Variants in ZNF705G observed in about 807,000 individuals in gnomAD.
The protein encoded by ZNF705G is putative zinc finger protein 705G.
ZNF705G carries 23 observed loss-of-function variants against 19.6 expected under a neutral mutation model. The ratio of observed to expected loss-of-function variants is 1.17; its 90% CI spans 0.84 to 1.66. The LOEUF is 1.66. Ranked by LOEUF, ZNF705G falls within the 40% of genes most tolerant of loss-of-function variation. The pLI is 0.00. For synonymous variants in ZNF705G, 146 were observed against 117.7 expected, an observed-to-expected ratio of 1.24 and a Z score of -1.56; for missense variants, 457 against 354.4, an observed-to-expected ratio of 1.29 and a Z score of -2.32.
At position 7,375,371 on chromosome 8, in the gene ZNF705G, T is replaced by C. The variant is rs556819113; in HGVS notation, c.-72+6081A>G. 1.4e-4 allele frequency among the ~76,000 whole-genome samples: 13 copies of C among 94,086 alleles called. 4 individuals carry two copies. The highest frequency in any genetic ancestry group is 8.7e-3 in the Middle Eastern group (2 of 230). The allele number at this position is 94,086 out of a possible 152,430, so 61.7% of individuals were successfully genotyped here. ...AAAGGACACAATTTTGTTCTTTTTA[T>C]GGATGCATAGTATTCCGTGACATAT... is the stretch of plus-strand genomic sequence containing the variant. On this transcript the variant is annotated intron_variant, in intron 2 of 6. Transcript: ENST00000400156.
rs751096876 is a variant in ZNF705G, at chr8:7,358,030, T to C, written c.849A>G (p.Pro283=). ...GNKIIHTGEK[P]HACLLCGKAF... ...CCTTCCCACATAGAAGACAAGCATGTGGTTTCTCTCCAGTGTGAATTATTT... is the reference window on the plus strand; with the variant it reads ...CCTTCCCACATAGAAGACAAGCATGCGGTTTCTCTCCAGTGTGAATTATTT... Residue 283 remains proline (P), a synonymous_variant, in exon 7 of 7, where the codon CCA becomes CCG. Transcript: ENST00000400156. 1 of 1,608,764 alleles carries C rather than the reference T, an allele frequency of 6.2e-7. No homozygotes were observed. The highest frequency in any genetic ancestry group is 8.5e-7 in the Non-Finnish European group (1 of 1,179,802).
At chr8:7,361,756 T>C (rs1806610543) in intron 3 of ZNF705G, among the ~76,000 whole-genome samples, 1 of 149,428 alleles carries the variant, frequency 6.7e-6, no homozygotes, top group African/African-American at 2.6e-5. Flanking sequence ...ACGTGTTTCC[T>C]ATCTAGCAAA....
At chr8:7,379,622 G>A (rs1264016938) in intron 2 of ZNF705G, among the ~76,000 whole-genome samples, 1 of 147,218 alleles carries the variant, frequency 6.8e-6, no homozygotes, top group Non-Finnish European at 1.5e-5. Context: ...TGCCCAGCCA[G>A]AATCAGCTTA....
At chr8:7,364,581 G>C (rs1265992082) in intron 2 of ZNF705G, among the ~76,000 whole-genome samples, 1 of 149,510 alleles carries the variant, frequency 6.7e-6, no homozygotes, top group Non-Finnish European at 1.5e-5. Context: ...GCCTCTTCTT[G>C]CTTTTTGACA....
rs772863102 is a variant in ZNF705G at position 7,360,265 on chromosome 8, T to C, written c.207A>G (p.Gly69=). ...GATTCTGGTCTTGAAGAAATACTCT[T>C]CCTTCCCTCCACAGCTCTTTTCCTT... The part of the protein sequence containing the change: ...LEQGKELWRE[G]RVFLQDQNPN... The change falls in exon 5 of 7, where the codon GGA becomes GGG. Residue 69 remains glycine (G), a synonymous_variant. Coordinates refer to ENST00000400156, the MANE Select transcript of ZNF705G (RefSeq NM_001164457.3). 13 of 1,592,248 alleles carry C rather than the reference T, an allele frequency of 8.2e-6. 1 individual carries two copies. Among genetic ancestry groups the C allele is most frequent in the Non-Finnish European group, 1.1e-5 (13 of 1,179,200 alleles).
intron 2 of ZNF705G, among the ~76,000 whole-genome samples, chr8:7,378,956 A>G (rs1198602901): frequency 6.7e-6 from 1 of 148,854 alleles, no homozygotes; most frequent in East Asian, 1.9e-4. Flanking sequence ...TATTCTGCCT[A>G]CAACAGCCAC....
In ZNF705G at chr8:7,362,929, A is replaced by T; in HGVS notation, c.12+6T>A. On this transcript the variant is annotated splice_donor_region_variant and intron_variant, in intron 3 of 6. Transcript: ENST00000400156. ...ATTTCAGTAGAAAGAGGCATCCCCT[A>T]CTCACTAGTGAATGCATTGTCAGGA... The T allele has an allele frequency of 6.3e-7, 1 of 1,590,160 alleles. No homozygotes were observed. The highest frequency in any genetic ancestry group is 1.4e-5 in the African/African-American group (1 of 70,382).
At chr8:7,379,514 T>A (rs1357066748) in intron 2 of ZNF705G, among the ~76,000 whole-genome samples, 1 of 147,170 alleles carries the variant, frequency 6.8e-6, no homozygotes, top group Admixed American at 6.6e-5. Context: ...AGCAAGTAGA[T>A]AATCATACCT....
At chr8:7,365,758 G>A (rs774851075) in intron 2 of ZNF705G, among the ~76,000 whole-genome samples, 8 of 149,614 alleles carry the variant, frequency 5.3e-5, no homozygotes, top group African/African-American at 1.5e-4. Flanking sequence ...AAATTAAGAG[G>A]CCGACTTGTG....
rs191799815 is a variant in ZNF705G, at chr8:7,358,898, T to C, written c.319-338A>G. ...ATTGCACCATGGCAATGCAAACTGA[T>C]AACTTTTCTTTACAAGTGCAGTCAT... On this transcript the variant is annotated intron_variant, in intron 6 of 6. Coordinates refer to ENST00000400156, the MANE Select transcript of ZNF705G (RefSeq NM_001164457.3). 2.7e-3 allele frequency among the ~76,000 whole-genome samples: 400 copies of C among 149,536 alleles called. 30 individuals are homozygous for C. The highest frequency in any genetic ancestry group is 9.8e-3 in the African/African-American group (381 of 38,966).
intron 2 of ZNF705G, among the ~76,000 whole-genome samples, chr8:7,366,203 T>A (rs1323517524): frequency 1.1e-5 from 1 of 94,530 alleles, no homozygotes; most frequent in African/African-American, 4.1e-5. Context: ...ACACTATAAA[T>A]GGAAAATCCT....
chr8:7,385,026 T>C (rs1807667165), intron 1 of ZNF705G, among the ~76,000 whole-genome samples: 1 of 147,052 alleles, frequency 6.8e-6, no homozygotes, highest in Admixed American at 6.6e-5. Context: ...AGAAAGATAA[T>C]ATTTTTTGAA....
In ZNF705G at chr8:7,358,365, A is replaced by G. The variant is rs1373853275; in HGVS notation, c.514T>C (p.Tyr172His). The change falls in exon 7 of 7, where the codon TAT (tyrosine) becomes CAT (histidine). Residue 172 changes from tyrosine (Y) to histidine (H), a missense_variant. Tyr to His is a moderately conservative substitution (Grantham distance 83). Transcript: ENST00000400156. ...GCCTTTTCACATAGATTACACTGAT[A>G]TGATTTACCTTTAGTATGAATTTGT... ...HKQIHTKGKS[Y>H]QCNLCEKAYT... 3.7e-6 allele frequency: 6 copies of G among 1,607,654 alleles called. No individual in the cohort carries two copies. Among genetic ancestry groups the G allele is most frequent in the Middle Eastern group, 2.3e-4 (1 of 4,422 alleles).
rs1473849590 is a variant in ZNF705G at position 7,356,911 on chromosome 8, A to G, written c.*1065T>C. 42 of 150,058 alleles carry G rather than the reference A, an allele frequency of 2.8e-4. 3 individuals are homozygous for G. Among genetic ancestry groups the G allele is most frequent in the African/African-American group, 9.4e-4 (37 of 39,424 alleles). 9.3% of individuals were successfully genotyped at this position (150,058 alleles called of 1,614,324 possible). A position where few individuals can be genotyped will look rare whatever the true frequency, so the allele number is the denominator to read the frequency against. On this transcript the variant is annotated 3_prime_UTR_variant, in exon 7 of 7. Transcript: ENST00000400156. ...CAATTTATTCCCTGGTCACTTTGCT[A>G]TTATGCATTTACATGCCACATTTTT...
chr8:7,361,749 T>A (rs1806609950), intron 3 of ZNF705G, among the ~76,000 whole-genome samples: 1 of 149,590 alleles, frequency 6.7e-6, no homozygotes, highest in South Asian at 2.1e-4. Flanking sequence ...ATAGAAAACG[T>A]GTTTCCTATC....
At chr8:7,361,928 C>T (rs1482136498) in intron 3 of ZNF705G, among the ~76,000 whole-genome samples, 2 of 149,548 alleles carry the variant, frequency 1.3e-5, no homozygotes, top group Admixed American at 6.6e-5. Context: ...GTATTCATGA[C>T]AAGGCTTAAA....
intron 2 of ZNF705G, among the ~76,000 whole-genome samples, chr8:7,379,707 C>T (rs1211510587): frequency 6.8e-6 from 1 of 147,254 alleles, no homozygotes; most frequent in African/African-American, 2.7e-5. Context: ...CCACTGTGGA[C>T]ACTGCAATCC....
intron 2 of ZNF705G, among the ~76,000 whole-genome samples, chr8:7,365,036 G>T (rs1256784231): frequency 6.7e-6 from 1 of 149,558 alleles, no homozygotes; most frequent in Non-Finnish European, 1.5e-5. Context: ...TGAATGAAAA[G>T]TCATTTAACT....
At position 7,368,023 on chromosome 8, in the gene ZNF705G, C is replaced by T. The variant is rs537099049; in HGVS notation, c.-71-5006G>A. ...CACAAGCAAGCAGCAAGACTCTTTCCCCAAGGTCTTAAAGTCTTCAGATGC... is the reference window on the plus strand; with the variant it reads ...CACAAGCAAGCAGCAAGACTCTTTCTCCAAGGTCTTAAAGTCTTCAGATGC... On this transcript the variant is annotated intron_variant, in intron 2 of 6. Transcript: ENST00000400156. Among the ~76,000 whole-genome samples, 101 of 149,732 alleles carry T rather than the reference C, an allele frequency of 6.7e-4. 9 individuals carry two copies. The highest frequency in any genetic ancestry group is 1.9e-3 in the African/African-American group (73 of 39,166).
Sources: gnomAD v4.1 joint callset for allele counts (sites outside exome capture counted in the v4.1 genomes callset) on GRCh38, gnomAD v4.1.1 for gene constraint, MANE v1.5 for transcripts, NCBI Gene and HGNC (gene_info 2026-07-23, HGNC 2026-07-21) for gene names.